The following RXRA variants were observed in gnomAD, a reference collection of about 807,000 sequenced individuals.
RXRA encodes the protein retinoid X receptor alpha.
A neutral mutation model predicts 44.5 loss-of-function variants in RXRA; 5 were observed. The ratio of observed to expected loss-of-function variants is 0.11; its 90% CI spans 0.06 to 0.24. The LOEUF (loss-of-function observed/expected upper bound fraction) is 0.24, where lower values mean the gene tolerates loss of function less well. Among genes scored for constraint, RXRA ranks in the 10% least tolerant of loss-of-function variants. The pLI, the probability that RXRA is intolerant of heterozygous loss-of-function variation, is 1.00. For synonymous variants in RXRA, 291 were observed against 271.4 expected (o/e 1.07, Z -0.71); for missense variants, 412 against 646.5 (o/e 0.64, Z 3.93).
intron 1 of RXRA, among the ~76,000 whole-genome samples, chr9:134,331,652 G>A (rs1343567264): frequency 1.3e-5 from 2 of 152,240 alleles, no homozygotes; most frequent in South Asian, 2.1e-4. Context: ...TGCCTGCTGC[G>A]TGCCAGGGAC....
intron 1 of RXRA, among the ~76,000 whole-genome samples, chr9:134,369,545 A>C (rs1474192693): frequency 1.3e-5 from 2 of 150,882 alleles, no homozygotes; most frequent in Non-Finnish European, 3.0e-5. Context: ...TGTGTTGGAG[A>C]TCGCAGCTGT....
At chr9:134,415,489 A>G (rs1002342281) in intron 4 of RXRA, among the ~76,000 whole-genome samples, 3 of 150,450 alleles carry the variant, frequency 2.0e-5, no homozygotes, top group African/African-American at 7.5e-5. Context: ...GGGATGGGAC[A>G]TGGTCAGTCC....
chr9:134,333,372 G>T (rs940187716), intron 1 of RXRA, among the ~76,000 whole-genome samples: 2 of 152,158 alleles, frequency 1.3e-5, no homozygotes, highest in Non-Finnish European at 2.9e-5. Flanking sequence ...TGGCCTCCCC[G>T]CACCTCTGTT....
intron 1 of RXRA, among the ~76,000 whole-genome samples, chr9:134,328,151 C>T (rs1834945657): frequency 6.6e-6 from 1 of 152,144 alleles, no homozygotes; most frequent in African/African-American, 2.4e-5. Context: ...TTTGCACTCA[C>T]ACATGTGCAC....
In RXRA at chr9:134,429,259, G is replaced by C; in HGVS notation, c.1043+19G>C. The C allele has an allele frequency of 6.2e-7, 1 of 1,608,052 alleles. No homozygotes were observed. The highest frequency in any genetic ancestry group is 1.1e-5 in the South Asian group (1 of 90,950). ...TTGACAGGTGGGGGTGGTCCCGGGAGGGGCGAGGGCGCTTCGGTCACCTCC... is the reference window on the plus strand; with the variant it reads ...TTGACAGGTGGGGGTGGTCCCGGGACGGGCGAGGGCGCTTCGGTCACCTCC... On this transcript the variant is annotated intron_variant, in intron 7 of 9. Transcript: ENST00000481739.
intron 4 of RXRA, among the ~76,000 whole-genome samples, chr9:134,411,137 C>A (rs1357476203): frequency 6.6e-6 from 1 of 152,320 alleles, no homozygotes; most frequent in Middle Eastern, 3.4e-3. Flanking sequence ...TCACACCTGG[C>A]CCTCGGAAGT....
At chr9:134,382,147 C>T (rs1333832040) in intron 1 of RXRA, among the ~76,000 whole-genome samples, 1 of 151,512 alleles carries the variant, frequency 6.6e-6, no homozygotes, top group Admixed American at 6.6e-5. Flanking sequence ...GGGCAGTGGG[C>T]TGAGCCAAGG....
chr9:134,354,898 A>T (rs983812256), intron 1 of RXRA, among the ~76,000 whole-genome samples: 6 of 152,134 alleles, frequency 3.9e-5, no homozygotes, highest in Non-Finnish European at 8.8e-5. Context: ...TGGCTTAGGG[A>T]TGGAGGGACT....
At chr9:134,339,515 CTGTGTGTG>C (rs140582836) in intron 1 of RXRA, among the ~76,000 whole-genome samples, 2 of 138,416 alleles carry the variant, frequency 1.4e-5, no homozygotes, top group Non-Finnish European at 3.1e-5. Flanking sequence ...GTGTGTGAGT[CTGTGTGTG>C]TGTGTGTGTG....
intron 1 of RXRA, among the ~76,000 whole-genome samples, chr9:134,352,318 A>G (rs1189900759): frequency 6.6e-6 from 1 of 152,032 alleles, no homozygotes; most frequent in African/African-American, 2.4e-5. Flanking sequence ...CCATCCCCTC[A>G]GGTGTCTGAA....
chr9:134,415,513 G>A (rs1372821037), intron 4 of RXRA, among the ~76,000 whole-genome samples: 1 of 152,150 alleles, frequency 6.6e-6, no homozygotes, highest in Non-Finnish European at 1.5e-5. Flanking sequence ...GGTGGCTGGT[G>A]CCTGTGAGTA....
intron 5 of RXRA, among the ~76,000 whole-genome samples, chr9:134,420,744 G>A (rs1414057587): frequency 1.3e-5 from 2 of 152,238 alleles, no homozygotes; most frequent in Non-Finnish European, 2.9e-5. Flanking sequence ...CGTCATCTGA[G>A]TTCCCATTGC....
intron 1 of RXRA, among the ~76,000 whole-genome samples, chr9:134,353,612 C>T (rs547749158): frequency 6.6e-6 from 1 of 152,256 alleles, no homozygotes; most frequent in African/African-American, 2.4e-5. Flanking sequence ...CTTCTCCCCA[C>T]AGCTAGCGGG....
intron 9 of RXRA, among the ~76,000 whole-genome samples, chr9:134,434,666 C>T (rs560114799): frequency 2.0e-5 from 3 of 146,836 alleles, no homozygotes; most frequent in African/African-American, 7.3e-5. Flanking sequence ...GCTCATGTTT[C>T]CCCCCTGCCC....
At chr9:134,373,393 T>C (rs1830514139) in intron 1 of RXRA, among the ~76,000 whole-genome samples, 1 of 152,208 alleles carries the variant, frequency 6.6e-6, no homozygotes, top group African/African-American at 2.4e-5. Flanking sequence ...TGCCGGGCCC[T>C]GCGCTCAGCC....
chr9:134,434,005 G>A, intron 8 of RXRA, 97 bp from the exon 9 acceptor site: 1 of 836,432 alleles, frequency 1.2e-6, no homozygotes, highest in Admixed American at 2.2e-5. Context: ...CCCATGGTGG[G>A]GCAGCCTGGG....
chr9:134,393,974 T>C (rs1830836547), intron 1 of RXRA, among the ~76,000 whole-genome samples: 1 of 151,974 alleles, frequency 6.6e-6, no homozygotes, highest in African/African-American at 2.4e-5. Flanking sequence ...TTGCTCAGTA[T>C]GGCCAAGAGG....
intron 5 of RXRA, among the ~76,000 whole-genome samples, chr9:134,421,473 A>C (rs1831329604): frequency 6.6e-6 from 1 of 152,116 alleles, no homozygotes; most frequent in Admixed American, 6.5e-5. Context: ...ATATCAGGCC[A>C]CACCTAATCA....
chr9:134,350,260 C>A (rs536303022), intron 1 of RXRA, among the ~76,000 whole-genome samples: 1 of 152,306 alleles, frequency 6.6e-6, no homozygotes, highest in Admixed American at 6.5e-5. Context: ...GCCAGTGGGG[C>A]TGGGGCCGCG....
Sources: gnomAD v4.1 joint callset for allele counts (sites outside exome capture counted in the v4.1 genomes callset) on GRCh38, gnomAD v4.1.1 for gene constraint, MANE v1.5 for transcripts, NCBI Gene and HGNC (gene_info 2026-07-23, HGNC 2026-07-21) for gene names.